Variants in SLC47A2 observed in about 807,000 individuals in gnomAD.
SLC47A2 encodes solute carrier family 47 member 2, also known as multidrug and toxin extrusion protein 2.
A neutral mutation model predicts 67.7 loss-of-function variants in SLC47A2; 52 were observed. The observed-to-expected ratio is 0.77, with a 90% confidence interval of 0.61 to 0.97. SLC47A2 has a LOEUF of 0.97. Ranked by LOEUF, SLC47A2 falls within the 50% of genes least tolerant of loss-of-function variation. The pLI is 0.00. For missense variants in SLC47A2, 676 were observed against 712.3 expected, an observed-to-expected ratio of 0.95 and a Z score of 0.58; for synonymous variants, 278 against 292.9, an observed-to-expected ratio of 0.95 and a Z score of 0.52.
chr17:19,705,548 C>T (rs1368460900), intron 9 of SLC47A2, 45 bp from the exon 10 acceptor site: 1 of 1,575,256 alleles, frequency 6.3e-7, no homozygotes, highest in Non-Finnish European at 8.6e-7. Flanking sequence ...GCCCCAGACA[C>T]CCAGACCCTG....
At position 19,678,846 on chromosome 17, in the gene SLC47A2, A is replaced by C. The variant is rs890426530; in HGVS notation, c.1541T>G (p.Val514Gly). 2.1e-5 allele frequency: 34 copies of C among 1,611,776 alleles called. No homozygotes were observed. Among genetic ancestry groups the C allele is most frequent in the Non-Finnish European group, 2.5e-5 (30 of 1,178,826 alleles). ...CTCCTCTGGAGTCCTGAAGAAGTCC[A>C]CGTGGCACTCAGACCTTGAATACGT... The part of the protein sequence containing the change: ...LTTYSRSECH[V>G]DFFRTPEEAH... The change falls in exon 17 of 17, where the codon GTG (valine) becomes GGG (glycine). Residue 514 changes from valine to glycine, a missense_variant. Val to Gly is a moderately radical substitution (Grantham distance 109). Coordinates refer to ENST00000433844, the MANE Select transcript of SLC47A2 (RefSeq NM_001099646.3).
chr17:19,697,260 T>TAC (rs1228565664), intron 13 of SLC47A2, among the ~76,000 whole-genome samples: 1 of 152,200 alleles, frequency 6.6e-6, no homozygotes, highest in African/African-American at 2.4e-5. Context: ...ATCGTGCTAC[T>TAC]ACACTCCAGC....
chr17:19,691,047 T>C (rs145924867), intron 13 of SLC47A2, among the ~76,000 whole-genome samples: 2,159 of 151,660 alleles, frequency 0.014, 53 homozygotes, highest in African/African-American at 0.05. Flanking sequence ...TGCTTGAACC[T>C]GGGAGGCGGA....
chr17:19,706,159 C>T (rs573766017), intron 9 of SLC47A2, among the ~76,000 whole-genome samples: 2 of 152,312 alleles, frequency 1.3e-5, no homozygotes, highest in Admixed American at 1.3e-4. Flanking sequence ...GCCCCGTTTT[C>T]TCATCTGCAA....
intron 10 of SLC47A2, 89 bp from the exon 11 acceptor site, chr17:19,704,267 C>T: frequency 9.5e-6 from 10 of 1,055,018 alleles, no homozygotes; most frequent in African/African-American, 3.2e-5. Flanking sequence ...GGGACGTGAG[C>T]GGGAAGGCAG....
rs1359318605 is a variant in SLC47A2, at chr17:19,679,950, A to G, written c.1480+2T>C. The G allele has an allele frequency of 6.2e-6, 10 of 1,613,162 alleles. No homozygotes were observed. The highest frequency in any genetic ancestry group is 1.7e-5 in the Admixed American group (1 of 59,798). On this transcript the variant is annotated splice_donor_variant, in intron 16 of 16. Coordinates refer to ENST00000433844, the MANE Select transcript of SLC47A2 (RefSeq NM_001099646.3). LOFTEE classifies it high-confidence loss of function. ...AAGTAGAAGCAGCGGTGACAGTATT[A>G]CCTGAAGATAGGACTGCTTTCTCAG...
chr17:19,682,106 C>G (rs984952097), intron 13 of SLC47A2, among the ~76,000 whole-genome samples: 5 of 152,264 alleles, frequency 3.3e-5, no homozygotes, highest in East Asian at 1.9e-4. Flanking sequence ...TGGCTCATGC[C>G]TGTAATCCCA....
At chr17:19,680,311 C>G (rs2152336964) in intron 15 of SLC47A2, among the ~76,000 whole-genome samples, 1 of 152,150 alleles carries the variant, frequency 6.6e-6, no homozygotes, top group African/African-American at 2.4e-5. Context: ...AACCCTGTCT[C>G]TACCAAAAAT....
chr17:19,679,825 T>C, intron 16 of SLC47A2, 127 bp downstream of exon 16: 1 of 905,836 alleles, frequency 1.1e-6, no homozygotes, highest in Non-Finnish European at 1.6e-6. Context: ...ATTTTCATAA[T>C]AATGGGAAGA....
At chr17:19,703,064 G>A in intron 12 of SLC47A2, 28 bp downstream of exon 12, 1 of 1,604,252 alleles carries the variant, frequency 6.2e-7, no homozygotes, top group Non-Finnish European at 8.5e-7. Context: ...CATTTTCCAA[G>A]AGTCAGCACA....
At chr17:19,693,699 G>A (rs1485257722) in intron 13 of SLC47A2, among the ~76,000 whole-genome samples, 1 of 152,092 alleles carries the variant, frequency 6.6e-6, no homozygotes, top group East Asian at 1.9e-4. Context: ...TTGGGAGGCT[G>A]AGGCAGGAGA....
intron 13 of SLC47A2, among the ~76,000 whole-genome samples, chr17:19,697,881 C>T (rs1484537965): frequency 1.3e-5 from 2 of 151,898 alleles, no homozygotes; most frequent in African/African-American, 2.4e-5. Flanking sequence ...AGACTTGAGT[C>T]ATCACACCTA....
At chr17:19,699,586 A>G (rs1266142001) in intron 13 of SLC47A2, among the ~76,000 whole-genome samples, 1 of 150,762 alleles carries the variant, frequency 6.6e-6, no homozygotes, top group Non-Finnish European at 1.5e-5. Flanking sequence ...AAACTTTTGT[A>G]GAGATAGGGT....
At chr17:19,714,011 G>T (rs1458811249) in intron 3 of SLC47A2, 38 bp from the exon 4 acceptor site, 1 of 1,592,222 alleles carries the variant, frequency 6.3e-7, no homozygotes, top group Non-Finnish European at 8.6e-7. Context: ...CGTTTCCACT[G>T]CCCGGGACAT....
upstream of SLC47A2, chr17:19,718,606 T>C (rs1190072761): frequency 1.3e-5 from 2 of 152,212 alleles, no homozygotes; most frequent in Admixed American, 1.3e-4. Context: ...TAGAAGCCAA[T>C]GCATTCCTAC....
chr17:19,692,983 T>A (rs2085576628), intron 13 of SLC47A2, among the ~76,000 whole-genome samples: 1 of 151,896 alleles, frequency 6.6e-6, no homozygotes, highest in Non-Finnish European at 1.5e-5. Context: ...GTACAAAAAT[T>A]AGCCAGGTGT....
At chr17:19,686,863 C>T (rs2085440563) in intron 13 of SLC47A2, among the ~76,000 whole-genome samples, 1 of 152,108 alleles carries the variant, frequency 6.6e-6, no homozygotes, top group Non-Finnish European at 1.5e-5. Context: ...ATTTCAACAT[C>T]CCACTTGCAA....
Position 19,715,172 on chromosome 17 carries a change from C to CAGTG in SLC47A2, c.165_168dup (p.Val57HisfsTer38). The stretch of plus-strand genomic sequence containing the variant: ...ACCTTGCCCAGGTGCCCGCAGAACA[C>CAGTG]AGTGCTCACGATGTAGATCATAAAA... On this transcript the variant is annotated frameshift_variant, in exon 2 of 17. Coordinates refer to ENST00000433844, the MANE Select transcript of SLC47A2 (RefSeq NM_001099646.3). LOFTEE classifies it high-confidence loss of function. The CAGTG allele has an allele frequency of 4.3e-6, 7 of 1,612,278 alleles. No individual in the cohort carries two copies. The highest frequency in any genetic ancestry group is 5.9e-6 in the Non-Finnish European group (7 of 1,179,998).
At chr17:19,682,664 C>A (rs558858132) in intron 13 of SLC47A2, among the ~76,000 whole-genome samples, 32 of 152,212 alleles carry the variant, frequency 2.1e-4, no homozygotes, top group Non-Finnish European at 3.2e-4. Flanking sequence ...CTTAATCACA[C>A]CTGCAAAGTC....
Sources: gnomAD v4.1 joint callset for allele counts (sites outside exome capture counted in the v4.1 genomes callset) on GRCh38, gnomAD v4.1.1 for gene constraint, MANE v1.5 for transcripts, NCBI Gene and HGNC (gene_info 2026-07-23, HGNC 2026-07-21) for gene names.